PRRC2C: variants seen among roughly 807,000 people sequenced by gnomAD.
PRRC2C encodes the protein protein PRRC2C.
In PRRC2C, 72 loss-of-function variants were observed where a neutral mutation model predicts 317.2. The observed-to-expected ratio is 0.23, with a 90% CI of 0.19 to 0.28. The LOEUF is 0.28. PRRC2C is among the 10% of genes least tolerant of loss of function. The pLI is 1.00. For missense variants in PRRC2C, 3,074 were observed against 3,459.7 expected (o/e 0.89, Z 2.80); for synonymous variants, 1,296 against 1,205.9 (o/e 1.07, Z -1.55).
At chr1:171,525,554 T>C (rs1223803257) in intron 10 of PRRC2C, among the ~76,000 whole-genome samples, 1 of 152,240 alleles carries the variant, frequency 6.6e-6, no homozygotes, top group African/African-American at 2.4e-5. Context: ...TTAGCATGTA[T>C]TTGTTGGATT....
rs556975367 is a variant in PRRC2C at position 171,558,084 on chromosome 1, C to G, written c.5972C>G (p.Ala1991Gly). 109 of 1,613,834 alleles carry G rather than the reference C, an allele frequency of 6.8e-5. 4 individuals are homozygous for G. In the South Asian group the frequency reaches 1.2e-3, roughly 17 times the overall value. Residue 1991 changes from alanine (A) to glycine (G), a missense_variant, in exon 19 of 35, where the codon GCT (alanine) becomes GGT (glycine). By Grantham distance (60) the Ala-to-Gly change is moderately conservative (BLOSUM62 0). Around this residue, in one of 11 missense-constraint regions of PRRC2C, gnomAD observed 640 missense variants for 676.1 expected, o/e 0.95. Transcript: ENST00000647382. ...QTPQSHGTLT[A>G]ELWDNKVAPP... ...CCACAGTCACATGGCACTCTGACAG[C>G]TGAATTATGGGATAACAAGGTGGCC...
At chr1:171,547,521 T>C (rs1679338394) in intron 17 of PRRC2C, among the ~76,000 whole-genome samples, 1 of 152,198 alleles carries the variant, frequency 6.6e-6, no homozygotes, top group Non-Finnish European at 1.5e-5. Context: ...GAAATGAGAA[T>C]ATGCTTCATT....
intron 5 of PRRC2C, 126 bp downstream of exon 5, chr1:171,515,985 C>A: frequency 2.0e-6 from 2 of 998,456 alleles, no homozygotes; most frequent in Non-Finnish European, 2.8e-6. Context: ...GTACTATAGT[C>A]ACTTGCTACT....
At chr1:171,552,015 T>G (rs1680342453) in intron 18 of PRRC2C, among the ~76,000 whole-genome samples, 1 of 152,244 alleles carries the variant, frequency 6.6e-6, no homozygotes, top group Admixed American at 6.5e-5. Flanking sequence ...ATTGGTAGCT[T>G]GATGGAGATG....
chr1:171,586,480 T>C (rs1485472077), intron 30 of PRRC2C, among the ~76,000 whole-genome samples: 1 of 151,882 alleles, frequency 6.6e-6, no homozygotes, highest in Non-Finnish European at 1.5e-5. Context: ...TTAGAGATAC[T>C]CAACTTGTCA....
At chr1:171,576,141 T>C (rs535945221) in intron 25 of PRRC2C, among the ~76,000 whole-genome samples, 49 of 152,346 alleles carry the variant, frequency 3.2e-4, no homozygotes, top group Non-Finnish European at 4.7e-4. Context: ...CCACCACTCA[T>C]TTGCCAAGGC....
chr1:171,513,446 A>C (rs753692294), intron 3 of PRRC2C: 1 of 532,518 alleles, frequency 1.9e-6, no homozygotes. Context: ...ACTACCACCA[A>C]CTCAGGTATT....
Position 171,557,425 on chromosome 1 carries a change from A to G in PRRC2C, c.5313A>G (p.Pro1771=). The G allele has an allele frequency of 4.5e-6, 7 of 1,546,952 alleles. No individual in the cohort carries two copies. Among genetic ancestry groups the G allele is most frequent in the Non-Finnish European group, 6.1e-6 (7 of 1,143,778 alleles). Reference sequence around the variant, plus strand: ...CAGTTCCAGCCTCAACCTCAGCTCCACTTCCGGCAACCTTAACTCCAGTTC... The same window carrying G: ...CAGTTCCAGCCTCAACCTCAGCTCCGCTTCCGGCAACCTTAACTCCAGTTC... ...SASVPASTSA[P]LPATLTPVPA... Residue 1771 remains proline (P), a synonymous_variant, in exon 19 of 35, where the codon CCA becomes CCG. Coordinates refer to ENST00000647382, the MANE Select transcript of PRRC2C (RefSeq NM_001387844.1).
At chr1:171,553,291 T>A (rs1680672937) in intron 18 of PRRC2C, among the ~76,000 whole-genome samples, 1 of 152,212 alleles carries the variant, frequency 6.6e-6, no homozygotes, top group Non-Finnish European at 1.5e-5. Context: ...TGTATTTCCG[T>A]GGGATTGGTG....
At chr1:171,587,993 GAC>G (rs1650439437) in intron 32 of PRRC2C, among the ~76,000 whole-genome samples, 1 of 150,710 alleles carries the variant, frequency 6.6e-6, no homozygotes, top group Non-Finnish European at 1.5e-5. Flanking sequence ...TTTTTTTTGA[GAC>G]AGAGTCTCAC....
intron 18 of PRRC2C, 53 bp downstream of exon 18, chr1:171,550,293 T>C (rs952990309): frequency 3.1e-5 from 46 of 1,461,418 alleles, no homozygotes; most frequent in Admixed American, 6.9e-5. Flanking sequence ...TTGCCCAAAG[T>C]GTATCAGCAA....
At chr1:171,591,215 A>G in intron 34 of PRRC2C, 1 of 1,006,460 alleles carries the variant, frequency 9.9e-7, no homozygotes, top group Non-Finnish European at 1.2e-6. Flanking sequence ...GTAATGCCAC[A>G]ATATAAGTGC....
At chr1:171,544,879 A>G (rs997335765) in intron 16 of PRRC2C, among the ~76,000 whole-genome samples, 6 of 152,262 alleles carry the variant, frequency 3.9e-5, no homozygotes, top group African/African-American at 1.2e-4. Flanking sequence ...CCCATTTCCC[A>G]TGATCATTTT....
intron 12 of PRRC2C, among the ~76,000 whole-genome samples, chr1:171,535,021 A>T (rs1158718715): frequency 6.6e-6 from 1 of 152,130 alleles, no homozygotes; most frequent in African/African-American, 2.4e-5. Flanking sequence ...ATAAACCAAC[A>T]TGCTCTCTTT....
Position 171,514,629 on chromosome 1 carries a change from A to G in PRRC2C, c.384A>G (p.Gln128=), listed in dbSNP as rs1672000259. ...CCAAATCATGGGCCAGTAACAAGCA[A>G]GGTGGGCAAGGAGATGGTAAGTGGA... ...PAPKSWASNK[Q]GGQGDGIQVN... Residue 128 remains glutamine (Q), a synonymous_variant, in exon 4 of 35, where the codon CAA becomes CAG. Transcript: ENST00000647382. 1 of 1,556,716 alleles carries G rather than the reference A, an allele frequency of 6.4e-7. No homozygotes were observed. Among genetic ancestry groups the G allele is most frequent in the Non-Finnish European group, 8.7e-7 (1 of 1,150,034 alleles).
intron 2 of PRRC2C, 48 bp from the exon 3 acceptor site, chr1:171,512,947 G>C: frequency 6.7e-7 from 1 of 1,488,080 alleles, no homozygotes; most frequent in Non-Finnish European, 9.1e-7. Context: ...GGAATAAAAT[G>C]GGTAATAAAA....
chr1:171,582,554 A>G (rs568427525), intron 28 of PRRC2C, among the ~76,000 whole-genome samples: 2 of 152,296 alleles, frequency 1.3e-5, no homozygotes, highest in African/African-American at 2.4e-5. Flanking sequence ...AGTACAGCCT[A>G]TTGTGTCTAA....
rs772210609 is a variant in PRRC2C at position 171,532,358 on chromosome 1, C to A, written c.1270C>A (p.Arg424=). 10 of 1,611,230 alleles carry A rather than the reference C, an allele frequency of 6.2e-6. No homozygotes were observed. In the African/African-American group the frequency reaches 9.4e-5, roughly 15 times the overall value. The change falls in exon 12 of 35, where the codon CGA becomes AGA. Residue 424 remains arginine (R), a synonymous_variant. Transcript: ENST00000647382. ...LLAQQHPPPD[R]QAVPGRPGPF... ...AATGTTTCAGCATCCACCTCCAGAT[C>A]GACAGGCAGTACCTGGAAGACCAGG... is the stretch of plus-strand genomic sequence containing the variant.
chr1:171,563,846 A>C (rs1274440179), intron 20 of PRRC2C, among the ~76,000 whole-genome samples: 2 of 152,082 alleles, frequency 1.3e-5, no homozygotes, highest in East Asian at 3.9e-4. Flanking sequence ...GCATTTCAGG[A>C]TTTTTCATGC....
Sources: gnomAD v4.1 joint callset for allele counts (sites outside exome capture counted in the v4.1 genomes callset) on GRCh38, gnomAD v4.1.1 for gene constraint, gnomAD v4.1.1 regional missense constraint, MANE v1.5 for transcripts, NCBI Gene and HGNC (gene_info 2026-07-23, HGNC 2026-07-21) for gene names.